Variants in ZNF385D observed in about 807,000 individuals in gnomAD.
ZNF385D encodes zinc finger protein 659.
In ZNF385D, 15 loss-of-function variants were observed where a neutral mutation model predicts 35.8. That is an observed-to-expected ratio of 0.42 (90% CI 0.28 to 0.64). ZNF385D has a LOEUF of 0.64. ZNF385D is among the 30% of genes least tolerant of loss of function. The pLI is 0.23. For missense variants in ZNF385D, 474 were observed against 494.6 expected, an observed-to-expected ratio of 0.96 and a Z score of 0.39; for synonymous variants, 212 against 186.8, an observed-to-expected ratio of 1.13 and a Z score of -1.10.
chr3:21,951,028 G>A (rs526390), intron 3 of ZNF385D, among the ~76,000 whole-genome samples: 39,658 of 151,138 alleles, frequency 0.26, 6,226 homozygotes, highest in Admixed American at 0.41. Context: ...TGCCTATATG[G>A]GCTCTTTTTT....
chr3:21,775,367 T>A (rs567934909), intron 3 of ZNF385D, among the ~76,000 whole-genome samples: 2 of 151,876 alleles, frequency 1.3e-5, no homozygotes, highest in African/African-American at 4.8e-5. Context: ...TTGAAAGTTA[T>A]GACCAGTGAG....
intron 3 of ZNF385D, among the ~76,000 whole-genome samples, chr3:21,971,045 C>T (rs574704890): frequency 2.0e-5 from 3 of 152,036 alleles, no homozygotes; most frequent in Admixed American, 6.6e-5. Context: ...AACACGAGAC[C>T]TGTCCTACAA....
intron 2 of ZNF385D, among the ~76,000 whole-genome samples, chr3:22,187,839 G>A (rs181049435): frequency 4.6e-5 from 7 of 152,258 alleles, no homozygotes; most frequent in Non-Finnish European, 4.4e-5. Context: ...GTTGGACACT[G>A]AGAGACTATC....
chr3:21,691,504 T>G (rs2067284678), intron 1 of ZNF385D, among the ~76,000 whole-genome samples: 1 of 152,010 alleles, frequency 6.6e-6, no homozygotes, highest in African/African-American at 2.4e-5. Context: ...CGGACCCAAA[T>G]ATTTGTGCCC....
chr3:21,966,581 C>T (rs113191363), intron 3 of ZNF385D, among the ~76,000 whole-genome samples: 1 of 151,982 alleles, frequency 6.6e-6, no homozygotes, highest in Non-Finnish European at 1.5e-5. Flanking sequence ...AGGTTTACTT[C>T]TTGTTTGTTT....
At chr3:22,183,116 T>C (rs1474782838) in intron 2 of ZNF385D, among the ~76,000 whole-genome samples, 1 of 152,166 alleles carries the variant, frequency 6.6e-6, no homozygotes, top group African/African-American at 2.4e-5. Context: ...TTTTAGCTTC[T>C]GTCCACTTCT....
chr3:22,129,239 C>T (rs1056548507), intron 3 of ZNF385D, among the ~76,000 whole-genome samples: 5 of 152,266 alleles, frequency 3.3e-5, no homozygotes, highest in Non-Finnish European at 5.9e-5. Flanking sequence ...AGTGGTGACA[C>T]AAGCATTCCC....
chr3:21,501,802 C>G (rs1190853711), intron 4 of ZNF385D, among the ~76,000 whole-genome samples: 2 of 152,184 alleles, frequency 1.3e-5, no homozygotes, highest in Non-Finnish European at 2.9e-5. Context: ...AACTCACACC[C>G]AAACACACAA....
chr3:21,791,327 A>C (rs756805491), intron 3 of ZNF385D, among the ~76,000 whole-genome samples: 112 of 152,356 alleles, frequency 7.4e-4, no homozygotes, highest in Non-Finnish European at 1.4e-3. Context: ...TCAGTGGCTC[A>C]AAGTAAGAAA....
At chr3:22,003,042 C>G (rs1023187544) in intron 3 of ZNF385D, among the ~76,000 whole-genome samples, 6 of 152,178 alleles carry the variant, frequency 3.9e-5, no homozygotes, top group Non-Finnish European at 7.4e-5. Context: ...TCTTACCACT[C>G]TTACTCAGCA....
chr3:22,245,993 C>G (rs1699757436), intron 2 of ZNF385D, among the ~76,000 whole-genome samples: 1 of 152,062 alleles, frequency 6.6e-6, no homozygotes, highest in African/African-American at 2.4e-5. Flanking sequence ...ATCTCAGTGA[C>G]AGTGCCACGA....
Position 21,998,280 on chromosome 3 carries a change from T to G in ZNF385D, c.325+170537A>C, listed in dbSNP as rs554188460. Among the ~76,000 whole-genome samples the G allele has an allele frequency of 5.3e-5, 8 of 152,320 alleles. No homozygotes were observed. In the South Asian group the frequency reaches 1.7e-3, roughly 32 times the overall value. ...CTATGTGATAACTCTGCCCTGTCTA[T>G]GGACTAGCCATTTTGCTGTGCACCG... On this transcript the variant is annotated intron_variant, in intron 3 of 5. Transcript: ENST00000494108.
At chr3:22,242,716 C>A (rs947535844) in intron 2 of ZNF385D, among the ~76,000 whole-genome samples, 9 of 151,098 alleles carry the variant, frequency 6.0e-5, no homozygotes, top group African/African-American at 2.2e-4. Context: ...CAGGAGAAAA[C>A]AATCACTAAA....
chr3:22,085,756 GA>G (rs2125591609), intron 3 of ZNF385D, among the ~76,000 whole-genome samples: 1 of 152,258 alleles, frequency 6.6e-6, no homozygotes, highest in South Asian at 2.1e-4. Flanking sequence ...AATAAAAAAA[GA>G]AACTTTCAGG....
intron 2 of ZNF385D, among the ~76,000 whole-genome samples, chr3:21,583,990 T>TTTATTTATTTATTTA (rs1559431687): frequency 3.7e-4 from 17 of 45,500 alleles, no homozygotes; most frequent in Non-Finnish European, 4.3e-4. Flanking sequence ...TTATTTATTT[T>TTTATTTATTTATTTA]TTGAGACAGA....
chr3:21,892,719 TTC>T (rs1575852250), intron 3 of ZNF385D, among the ~76,000 whole-genome samples: 1 of 149,462 alleles, frequency 6.7e-6, no homozygotes, highest in East Asian at 1.9e-4. Flanking sequence ...GTTTTTCTAC[TTC>T]TTTTACCTCA....
intron 3 of ZNF385D, among the ~76,000 whole-genome samples, chr3:22,124,957 T>C (rs1234852846): frequency 6.6e-6 from 1 of 152,126 alleles, no homozygotes; most frequent in African/African-American, 2.4e-5. Context: ...TTTGGTTGCC[T>C]GTGCTTGTGG....
intron 1 of ZNF385D, among the ~76,000 whole-genome samples, chr3:21,724,832 C>A (rs756762721): frequency 1.3e-5 from 2 of 151,954 alleles, no homozygotes; most frequent in African/African-American, 2.4e-5. Context: ...ACCAAGCAGA[C>A]CTAATAGACA....
intron 2 of ZNF385D, among the ~76,000 whole-genome samples, chr3:22,339,358 A>G (rs890195989): frequency 6.6e-6 from 1 of 152,182 alleles, no homozygotes; most frequent in Non-Finnish European, 1.5e-5. Context: ...GTGAACAAGG[A>G]AGGCCTGGTA....
Sources: gnomAD v4.1 joint callset for allele counts (sites outside exome capture counted in the v4.1 genomes callset) on GRCh38, gnomAD v4.1.1 for gene constraint, MANE v1.5 for transcripts, NCBI Gene and HGNC (gene_info 2026-07-23, HGNC 2026-07-21) for gene names.